The following FRG1 variants were observed in gnomAD, a reference collection of about 807,000 sequenced individuals.
FRG1 encodes protein FRG1.
Under a neutral mutation model 37.0 loss-of-function variants are expected in FRG1, and 19 were observed. That is an observed-to-expected ratio of 0.51 (90% CI 0.36 to 0.75). The LOEUF is 0.75. Among genes scored for constraint, FRG1 ranks in the 30% least tolerant of loss-of-function variants. FRG1 has a pLI of 0.00. For synonymous variants in FRG1, 73 were observed against 96.5 expected, an observed-to-expected ratio of 0.76 and a Z score of 1.43; for missense variants, 243 against 301.4, an observed-to-expected ratio of 0.81 and a Z score of 1.44.
chr4:189,955,600 C>T (rs968849970), intron 5 of FRG1, among the ~76,000 whole-genome samples: 3 of 152,032 alleles, frequency 2.0e-5, no homozygotes, highest in African/African-American at 7.2e-5. Flanking sequence ...AAAAGACTTT[C>T]AGTTCATAAG....
intron 8 of FRG1, 75 bp downstream of exon 8, chr4:189,962,007 T>G: frequency 5.2e-6 from 4 of 763,468 alleles, no homozygotes; most frequent in Non-Finnish European, 8.8e-6. Flanking sequence ...TACATTCTCT[T>G]AAATTACTGT....
intron 2 of FRG1, among the ~76,000 whole-genome samples, chr4:189,950,971 A>G (rs1282362977): frequency 6.6e-6 from 1 of 152,224 alleles, no homozygotes; most frequent in Non-Finnish European, 1.5e-5. Flanking sequence ...AAAATTAACA[A>G]GAATTCCTTA....
chr4:189,947,335 A>G (rs1223574779), intron 2 of FRG1, among the ~76,000 whole-genome samples: 1 of 142,666 alleles, frequency 7.0e-6, no homozygotes, highest in Admixed American at 6.9e-5. Context: ...ATGTGTACAC[A>G]TTTAGGATTG....
chr4:189,954,498 A>G (rs912658094), intron 4 of FRG1, among the ~76,000 whole-genome samples: 1 of 152,124 alleles, frequency 6.6e-6, no homozygotes, highest in African/African-American at 2.4e-5. Context: ...TATGTAATAT[A>G]TAAGGTACAA....
chr4:189,946,217 G>A (rs1312338427), intron 2 of FRG1, among the ~76,000 whole-genome samples: 1 of 150,810 alleles, frequency 6.6e-6, no homozygotes, highest in African/African-American at 2.4e-5. Context: ...TTTAGTACAG[G>A]TGTATTCAAT....
intron 7 of FRG1, chr4:189,961,115 G>A (rs1737210704): frequency 3.6e-6 from 1 of 280,214 alleles, no homozygotes; most frequent in Non-Finnish European, 6.9e-6. Flanking sequence ...TAGCCTCTAG[G>A]ACAGAGCACT....
intron 4 of FRG1, among the ~76,000 whole-genome samples, chr4:189,953,637 A>G (rs1434772010): frequency 6.6e-6 from 1 of 152,148 alleles, no homozygotes; most frequent in African/African-American, 2.4e-5. Context: ...GTGAATTTAC[A>G]TATTTTAGTA....
chr4:189,951,183 A>G (rs1484219929), intron 2 of FRG1, among the ~76,000 whole-genome samples: 2 of 152,100 alleles, frequency 1.3e-5, no homozygotes, highest in African/African-American at 4.8e-5. Context: ...TTTACTTTCA[A>G]TCTAAAATCA....
chr4:189,942,082 A>G (rs1736333507), intron 1 of FRG1: 1 of 183,796 alleles, frequency 5.4e-6, no homozygotes, highest in Non-Finnish European at 1.2e-5. Flanking sequence ...TGAAAACTTT[A>G]TAATGAAAAT....
Position 189,961,815 on chromosome 4 carries a change from T to C in FRG1, c.630-7T>C. On this transcript the variant is annotated splice_polypyrimidine_tract_variant and splice_region_variant and intron_variant, in intron 7 of 8. Coordinates refer to ENST00000226798, the MANE Select transcript of FRG1 (RefSeq NM_004477.3). ...GGTATTTTTCAATGAAGACATTTTCTTTACAGAAAGAAATTTCAGAGCTTC... is the reference window on the plus strand; with the variant it reads ...GGTATTTTTCAATGAAGACATTTTCCTTACAGAAAGAAATTTCAGAGCTTC... 3 of 1,255,164 alleles carry C rather than the reference T, an allele frequency of 2.4e-6. No individual in the cohort carries two copies. Among genetic ancestry groups the C allele is most frequent in the Non-Finnish European group, 3.4e-6 (3 of 876,366 alleles). The allele number at this position is 1,255,164 out of a possible 1,614,324, so 77.8% of individuals were successfully genotyped here. A position where few individuals can be genotyped will look rare whatever the true frequency, so the allele number is the denominator to read the frequency against.
At chr4:189,958,869 T>A (rs1407594253) in intron 6 of FRG1, among the ~76,000 whole-genome samples, 1 of 152,214 alleles carries the variant, frequency 6.6e-6, no homozygotes, top group East Asian at 1.9e-4. Context: ...TCTTGACACA[T>A]GGCTTTTCTG....
intron 2 of FRG1, among the ~76,000 whole-genome samples, chr4:189,945,193 A>T (rs1043341176): frequency 3.3e-5 from 5 of 152,196 alleles, no homozygotes; most frequent in African/African-American, 1.2e-4. Context: ...ATTTGCAATT[A>T]TGTTTCCTGT....
intron 1 of FRG1, chr4:189,941,795 C>T (rs928615388): frequency 5.0e-6 from 2 of 401,034 alleles, no homozygotes; most frequent in African/African-American, 2.1e-5. Context: ...GAAAAAATAC[C>T]TGTGCACTCA....
intron 2 of FRG1, among the ~76,000 whole-genome samples, chr4:189,947,107 C>T (rs1193640792): frequency 6.6e-6 from 1 of 152,236 alleles, no homozygotes; most frequent in Non-Finnish European, 1.5e-5. Context: ...CCTCCCGCCT[C>T]GGCGGGATCC....
At chr4:189,956,343 G>A (rs1476523689) in intron 5 of FRG1, among the ~76,000 whole-genome samples, 1 of 152,128 alleles carries the variant, frequency 6.6e-6, no homozygotes, top group Admixed American at 6.5e-5. Context: ...AGTTACACCG[G>A]TAGAAAAGGC....
rs556163862 is a variant in FRG1 at position 189,941,091 on chromosome 4, C to A, written c.62+20C>A. 1.9e-5 allele frequency: 31 copies of A among 1,609,706 alleles called. No homozygotes were observed. Among genetic ancestry groups the A allele is most frequent in the Non-Finnish European group, 2.3e-5 (27 of 1,176,390 alleles). On this transcript the variant is annotated intron_variant, in intron 1 of 8. Transcript: ENST00000226798. ...GAAGAGGTGGGTCCTGCAGCTTGGG[C>A]GGGAGCCTCCTCCGTTCTTTTCGGA...
chr4:189,949,148 G>T (rs1736651455), intron 2 of FRG1, among the ~76,000 whole-genome samples: 1 of 152,178 alleles, frequency 6.6e-6, no homozygotes, highest in South Asian at 2.1e-4. Context: ...CTTAAATTCA[G>T]CTTGGGCATC....
At chr4:189,951,585 A>G (rs925749680) in intron 2 of FRG1, among the ~76,000 whole-genome samples, 9 of 152,108 alleles carry the variant, frequency 5.9e-5, no homozygotes, top group Non-Finnish European at 8.8e-5. Flanking sequence ...GAAAGCAGGC[A>G]TGAAATAGAT....
intron 2 of FRG1, among the ~76,000 whole-genome samples, chr4:189,946,065 T>C (rs1298441119): frequency 6.6e-6 from 1 of 152,238 alleles, no homozygotes; most frequent in African/African-American, 2.4e-5. Flanking sequence ...AATATGCTTT[T>C]AATGTCCGTA....
Sources: allele counts gnomAD v4.1 joint callset (sites outside exome capture counted in the v4.1 genomes callset), GRCh38; gene constraint gnomAD v4.1.1; transcripts MANE v1.5; gene names NCBI Gene and HGNC (gene_info 2026-07-23, HGNC 2026-07-21).